The following TDRD12 variants were observed in gnomAD, a reference collection of about 807,000 sequenced individuals.
TDRD12 encodes putative ATP-dependent RNA helicase TDRD12.
TDRD12 carries 158 observed loss-of-function variants against 133.5 expected under a neutral mutation model. The observed-to-expected ratio is 1.18, with a 90% CI of 1.04 to 1.35. The LOEUF (loss-of-function observed/expected upper bound fraction) is 1.35, where lower values mean the gene tolerates loss of function less well. TDRD12 is among the 40% of genes most tolerant of loss of function. TDRD12 has a pLI of 0.00. For missense variants in TDRD12, 1,443 were observed against 1,321.3 expected, an observed-to-expected ratio of 1.09 and a Z score of -1.43; for synonymous variants, 460 against 477.9, an observed-to-expected ratio of 0.96 and a Z score of 0.49.
chr19:32,800,275 C>T lies in TDRD12; in HGVS notation c.1867C>T (p.His623Tyr). 4 of 1,535,110 alleles carry T rather than the reference C, an allele frequency of 2.6e-6. No homozygotes were observed. In the South Asian group the frequency reaches 4.8e-5, roughly 18 times the overall value. ...AGTTCATTGGAACAAACATATAGAACATCTCATCAAAGAGTTCATGAATGA... is the reference window on the plus strand; with the variant it reads ...AGTTCATTGGAACAAACATATAGAATATCTCATCAAAGAGTTCATGAATGA... Residue 623 changes from histidine (H) to tyrosine (Y), a missense_variant, in exon 17 of 28, where the codon CAT (histidine) becomes TAT (tyrosine). Transcript: ENST00000444215.
chr19:32,743,408 G>A (rs1024681775), intron 4 of TDRD12, among the ~76,000 whole-genome samples: 1 of 120,612 alleles, frequency 8.3e-6, no homozygotes, highest in African/African-American at 3.1e-5. Flanking sequence ...CTCCTCCCCT[G>A]CTCCCTTCTT....
intron 4 of TDRD12, among the ~76,000 whole-genome samples, chr19:32,746,636 G>A (rs1969643318): frequency 6.8e-6 from 1 of 146,350 alleles, no homozygotes; most frequent in African/African-American, 2.6e-5. Context: ...GAGTCTGGCT[G>A]ATGTGGTTAT....
At chr19:32,735,838 C>T (rs367849608) in intron 2 of TDRD12, among the ~76,000 whole-genome samples, 5 of 152,068 alleles carry the variant, frequency 3.3e-5, no homozygotes, top group Non-Finnish European at 2.9e-5. Context: ...GGTGTGGTGG[C>T]GGACACCTGT....
intron 11 of TDRD12, among the ~76,000 whole-genome samples, chr19:32,783,592 A>G (rs967036850): frequency 1.3e-5 from 2 of 149,652 alleles, no homozygotes; most frequent in African/African-American, 5.0e-5. Flanking sequence ...CTTCTGATCC[A>G]TGAGCATGGA....
Position 32,817,851 on chromosome 19 carries a change from G to A in TDRD12, c.3315-238G>A, listed in dbSNP as rs111355887. ...GCAATTCTAAATGGCCCGTACACAC[G>A]ACTGCTTTTGAACATCCTAATTCCC... is the stretch of plus-strand genomic sequence containing the variant. On this transcript the variant is annotated intron_variant, in intron 26 of 27. Coordinates refer to ENST00000444215, the Ensembl canonical transcript of TDRD12. Among the ~76,000 whole-genome samples the A allele has an allele frequency of 7.6e-3, 1,124 of 148,872 alleles. 15 individuals carry two copies. The highest frequency in any genetic ancestry group is 0.027 in the African/African-American group (1,065 of 40,186).
chr19:32,788,123 C>CT (rs972063135), intron 11 of TDRD12, among the ~76,000 whole-genome samples: 479 of 147,906 alleles, frequency 3.2e-3, no homozygotes, highest in African/African-American at 8.4e-3. Flanking sequence ...TTTTTTTTTT[C>CT]TTTTTTTTTG....
At chr19:32,771,736 G>A (rs1970448758) in intron 8 of TDRD12, among the ~76,000 whole-genome samples, 1 of 151,980 alleles carries the variant, frequency 6.6e-6, no homozygotes, top group Admixed American at 6.6e-5. Context: ...TATCTTTTTG[G>A]CTAAAAGGTT....
At chr19:32,822,712 A>C (rs1471699421), downstream of TDRD12, among the ~76,000 whole-genome samples, 1 of 150,232 alleles carries the variant, frequency 6.7e-6, no homozygotes, top group Non-Finnish European at 1.5e-5. Flanking sequence ...GCGCCACTGC[A>C]CTCCAGCCTG....
At chr19:32,805,006 T>C (rs2145711262) in intron 21 of TDRD12, among the ~76,000 whole-genome samples, 1 of 151,988 alleles carries the variant, frequency 6.6e-6, no homozygotes, top group East Asian at 1.9e-4. Context: ...TTAAATTAGT[T>C]TGTATGTATG....
intron 4 of TDRD12, among the ~76,000 whole-genome samples, chr19:32,745,788 TTCTG>T (rs1407812158): frequency 1.8e-4 from 23 of 124,952 alleles, no homozygotes; most frequent in Middle Eastern, 4.5e-3. Flanking sequence ...GCTGATGTCA[TTCTG>T]TGTGTGTGTG....
chr19:32,775,381 A>C (rs566066546), intron 10 of TDRD12, among the ~76,000 whole-genome samples: 2 of 152,308 alleles, frequency 1.3e-5, no homozygotes, highest in East Asian at 3.9e-4. Flanking sequence ...CAGGCTCTCA[A>C]GTGCAGTGGA....
intron 27 of TDRD12, among the ~76,000 whole-genome samples, chr19:32,820,779 G>C (rs1377347664): frequency 6.6e-6 from 1 of 152,202 alleles, no homozygotes; most frequent in Non-Finnish European, 1.5e-5. Context: ...AGTGAGTATG[G>C]AAGGCAAACC....
intron 21 of TDRD12, 26 bp downstream of exon 21, chr19:32,803,168 A>G: frequency 1.4e-6 from 2 of 1,462,234 alleles, no homozygotes; most frequent in Non-Finnish European, 1.8e-6. Flanking sequence ...GTTTCTTATT[A>G]AACTGATGTA....
chr19:32,816,494 G>A (rs1478528492), intron 26 of TDRD12, among the ~76,000 whole-genome samples: 2 of 152,222 alleles, frequency 1.3e-5, no homozygotes, highest in Non-Finnish European at 2.9e-5. Context: ...GCTACATAAT[G>A]TTCCTTTGTA....
intron 21 of TDRD12, 80 bp downstream of exon 21, chr19:32,803,222 T>C (rs1316111868): frequency 8.9e-7 from 1 of 1,127,430 alleles, no homozygotes; most frequent in Non-Finnish European, 1.2e-6. Context: ...TGGTGAATTG[T>C]CATGTATCTA....
chr19:32,802,422 C>T (rs554538269), intron 19 of TDRD12, among the ~76,000 whole-genome samples: 3 of 151,326 alleles, frequency 2.0e-5, no homozygotes, highest in South Asian at 2.1e-4. Flanking sequence ...ACATATGGGC[C>T]GCTTGGATTT....
chr19:32,720,017 C>G (rs1006764519), exon 1 of TDRD12: 23 of 1,542,218 alleles, frequency 1.5e-5, no homozygotes, highest in African/African-American at 2.7e-5. Context: ...GCCTCACCCG[C>G]GACGGTAGGG....
At chr19:32,761,956 G>A (rs150355262) in intron 8 of TDRD12, among the ~76,000 whole-genome samples, 1,879 of 152,108 alleles carry the variant, frequency 0.012, 42 homozygotes, top group African/African-American at 0.043. Context: ...CGACTGCCTC[G>A]GCCTCCCAAA....
At chr19:32,765,192 C>T (rs1420497214) in intron 8 of TDRD12, among the ~76,000 whole-genome samples, 1 of 152,224 alleles carries the variant, frequency 6.6e-6, no homozygotes, top group African/African-American at 2.4e-5. Context: ...CAATGAGATA[C>T]CATCTCACAC....
Sources: allele counts gnomAD v4.1 joint callset (sites outside exome capture counted in the v4.1 genomes callset), GRCh38; gene constraint gnomAD v4.1.1; transcripts MANE v1.5; gene names NCBI Gene and HGNC (gene_info 2026-07-23, HGNC 2026-07-21).